Variants in PDE4D observed in about 807,000 individuals in gnomAD.
PDE4D encodes the protein 3',5'-cyclic-AMP phosphodiesterase 4D.
PDE4D carries 24 observed loss-of-function variants against 87.4 expected under a neutral mutation model. That is an observed-to-expected ratio of 0.27 (90% CI 0.20 to 0.39). PDE4D has a LOEUF of 0.39. Ranked by LOEUF, PDE4D falls within the 10% of genes least tolerant of loss-of-function variation. The probability of loss-of-function intolerance (pLI) is 1.00; values close to 1 mark genes in which losing one functional copy is unlikely to be tolerated. For synonymous variants in PDE4D, 384 were observed against 383.2 expected, an observed-to-expected ratio of 1.00 and a Z score of -0.02; for missense variants, 714 against 1,041.0, an observed-to-expected ratio of 0.69 and a Z score of 4.32.
chr5:59,320,703 G>A (rs1414079750), intron 1 of PDE4D, among the ~76,000 whole-genome samples: 2 of 152,064 alleles, frequency 1.3e-5, no homozygotes, highest in Non-Finnish European at 2.9e-5. Flanking sequence ...AAATCTGATT[G>A]AGGGCATAAT....
At chr5:59,564,123 A>G (rs1420953566) in intron 1 of PDE4D, among the ~76,000 whole-genome samples, 1 of 152,192 alleles carries the variant, frequency 6.6e-6, no homozygotes, top group African/African-American at 2.4e-5. Context: ...TTTGTTTTCT[A>G]GTTTTCCTAT....
At chr5:60,390,360 C>CTGG (rs1762478338) in intron 1 of PDE4D, among the ~76,000 whole-genome samples, 1 of 152,212 alleles carries the variant, frequency 6.6e-6, no homozygotes, top group African/African-American at 2.4e-5. Context: ...CAACAGTACT[C>CTGG]TGTGACCTCT....
At chr5:59,614,084 T>C (rs1829355652) in intron 1 of PDE4D, among the ~76,000 whole-genome samples, 1 of 152,176 alleles carries the variant, frequency 6.6e-6, no homozygotes, top group Admixed American at 6.5e-5. Flanking sequence ...TATTCCCATA[T>C]ATTATATAAG....
intron 1 of PDE4D, among the ~76,000 whole-genome samples, chr5:59,652,381 G>A (rs187760164): frequency 4.1e-4 from 62 of 152,252 alleles, no homozygotes; most frequent in Admixed American, 9.2e-4. Flanking sequence ...TTCCCCTTAT[G>A]TACATCTATC....
At chr5:60,067,894 G>A (rs752871816) in intron 2 of PDE4D, among the ~76,000 whole-genome samples, 9 of 151,996 alleles carry the variant, frequency 5.9e-5, no homozygotes, top group African/African-American at 9.7e-5. Flanking sequence ...TGTCACATAC[G>A]GCAATAGTTC....
chr5:60,084,407 C>T (rs182481003), intron 2 of PDE4D, among the ~76,000 whole-genome samples: 28 of 150,362 alleles, frequency 1.9e-4, no homozygotes, highest in Admixed American at 4.0e-4. Flanking sequence ...TGTGTGTGTG[C>T]GCGCGCGCGT....
At chr5:60,112,774 C>A (rs1335237565) in intron 2 of PDE4D, among the ~76,000 whole-genome samples, 4 of 152,022 alleles carry the variant, frequency 2.6e-5, no homozygotes, top group African/African-American at 9.7e-5. Flanking sequence ...CTGGCTATAT[C>A]CTACACTATA....
At chr5:60,316,099 C>T (rs1755562816) in intron 1 of PDE4D, among the ~76,000 whole-genome samples, 2 of 152,106 alleles carry the variant, frequency 1.3e-5, no homozygotes, top group African/African-American at 2.4e-5. Flanking sequence ...TTTCATGATA[C>T]TGATTCTTCC....
rs546135952 is a variant in PDE4D, at chr5:59,650,138, A to G, written c.455+243030T>C. ...CAACATGTAATTTCAAAGAGGAAAA[A>G]TATTCAGTACTTTCCCTCTCACTTT... is the stretch of plus-strand genomic sequence containing the variant. On this transcript the variant is annotated intron_variant, in intron 1 of 14. Transcript: ENST00000340635. 4.4e-4 allele frequency among the ~76,000 whole-genome samples: 67 copies of G among 151,994 alleles called. No homozygotes were observed. The Middle Eastern group carries it at 0.01, about 23-fold the overall frequency.
intron 2 of PDE4D, among the ~76,000 whole-genome samples, chr5:60,033,966 T>C (rs543828790): frequency 1.3e-5 from 2 of 152,282 alleles, no homozygotes; most frequent in African/African-American, 4.8e-5. Context: ...GAGCTATGGA[T>C]AAAGGACCAC....
chr5:58,981,787 G>T (rs1745230021), intron 11 of PDE4D, among the ~76,000 whole-genome samples: 1 of 152,126 alleles, frequency 6.6e-6, no homozygotes, highest in African/African-American at 2.4e-5. Flanking sequence ...TGGGTTATTA[G>T]TGGTCCTGCC....
intron 1 of PDE4D, among the ~76,000 whole-genome samples, chr5:59,508,567 A>G (rs572102765): frequency 6.6e-6 from 1 of 152,258 alleles, no homozygotes; most frequent in Non-Finnish European, 1.5e-5. Flanking sequence ...ATGCATAAAA[A>G]AAATAAACTT....
intron 1 of PDE4D, among the ~76,000 whole-genome samples, chr5:59,744,032 C>T (rs981230): frequency 0.49 from 74,229 of 151,820 alleles, 18,843 homozygotes; most frequent in African/African-American, 0.56. Context: ...AATCTAAATG[C>T]TTAATGTCAG....
At chr5:59,091,299 G>T (rs1209579949) in intron 5 of PDE4D, among the ~76,000 whole-genome samples, 1 of 151,966 alleles carries the variant, frequency 6.6e-6, no homozygotes, top group Non-Finnish European at 1.5e-5. Flanking sequence ...CCACAAAAAT[G>T]TACGCTTATG....
chr5:60,367,622 C>A (rs1370373143), intron 1 of PDE4D, among the ~76,000 whole-genome samples: 4 of 152,114 alleles, frequency 2.6e-5, no homozygotes, highest in Non-Finnish European at 4.4e-5. Context: ...TCCTATCTCA[C>A]AGTTCAATTT....
At chr5:59,439,246 C>G (rs557861071) in intron 1 of PDE4D, among the ~76,000 whole-genome samples, 2 of 151,874 alleles carry the variant, frequency 1.3e-5, no homozygotes, top group African/African-American at 4.8e-5. Context: ...GTAATCCCAG[C>G]TACCTCGGAG....
chr5:60,253,711 A>G (rs959535192), intron 1 of PDE4D, among the ~76,000 whole-genome samples: 5 of 151,934 alleles, frequency 3.3e-5, no homozygotes, highest in Admixed American at 3.3e-4. Flanking sequence ...ACAGATGCTC[A>G]CACAATGCCA....
At chr5:59,826,095 A>ATTTGTGTT in intron 1 of PDE4D, among the ~76,000 whole-genome samples, 1 of 152,142 alleles carries the variant, frequency 6.6e-6, no homozygotes, top group East Asian at 1.9e-4. Flanking sequence ...GGTGGAAAGA[A>ATTTGTGTT]TTTGTGTTTT....
intron 1 of PDE4D, among the ~76,000 whole-genome samples, chr5:60,277,820 A>C (rs1278280573): frequency 6.6e-6 from 1 of 152,146 alleles, no homozygotes; most frequent in Admixed American, 6.5e-5. Context: ...TCATTTTATC[A>C]CTTAAAGTGA....
Sources: gnomAD v4.1 joint callset for allele counts (sites outside exome capture counted in the v4.1 genomes callset) on GRCh38, gnomAD v4.1.1 for gene constraint, MANE v1.5 for transcripts, NCBI Gene and HGNC (gene_info 2026-07-23, HGNC 2026-07-21) for gene names.